The following ABCA12 variants were observed in gnomAD, a reference collection of about 807,000 sequenced individuals.
ABCA12 encodes ATP binding cassette subfamily A member 12, also known as glucosylceramide transporter ABCA12.
ABCA12 carries 156 observed loss-of-function variants against 293.5 expected under a neutral mutation model. The ratio of observed to expected loss-of-function variants is 0.53; its 90% CI spans 0.47 to 0.61. The LOEUF is 0.61. Ranked by LOEUF, ABCA12 falls within the 20% of genes least tolerant of loss-of-function variation. The probability of loss-of-function intolerance (pLI) is 0.00; values close to 1 mark genes in which losing one functional copy is unlikely to be tolerated. For missense variants in ABCA12, 2,797 were observed against 3,090.2 expected (o/e 0.91, Z 2.25); for synonymous variants, 1,063 against 1,108.0 (o/e 0.96, Z 0.81).
At position 214,978,409 on chromosome 2, in the gene ABCA12, A is replaced by G; in HGVS notation, c.5035T>C (p.Leu1679=). The G allele has an allele frequency of 6.2e-7, 1 of 1,614,008 alleles. No individual in the cohort carries two copies. The highest frequency in any genetic ancestry group is 1.7e-4 in the Middle Eastern group (1 of 6,060). ...GAATTCCCAATTTTCTTTTGTGTTA[A>G]GTGCTCAAGACTCATAGCACTATTT... The part of the protein sequence containing the change: ...QKNSAMSLEH[L]TQKKIGNSNA... Residue 1679 remains leucine, a synonymous_variant, in exon 33 of 53, where the codon TTA becomes CTA. Transcript: ENST00000272895.
rs1699014202 is a variant in ABCA12 at position 214,958,332 on chromosome 2, T to C, written c.6062A>G (p.His2021Arg). ...EHQTKAKQLQHISGIGVTCYW... is the reference protein window; with the variant it reads ...EHQTKAKQLQRISGIGVTCYW... ...GCATGTCACGCCAATGCCTGAAATG[T>C]GCTGCAACTGTTTGGCTTTGGTTTG... The change falls in exon 41 of 53, where the codon CAC becomes CGC. Residue 2021 changes from histidine (H) to arginine (R), a missense_variant. Physicochemically the swap from His to Arg is conservative, Grantham distance 29. Around this residue, in one of 3 missense-constraint regions of ABCA12, gnomAD observed 2,130 missense variants for 2,427.0 expected, o/e 0.88. Transcript: ENST00000272895. 1.2e-6 allele frequency: 2 copies of C among 1,613,940 alleles called. No individual in the cohort carries two copies. The highest frequency in any genetic ancestry group is 2.2e-5 in the South Asian group (2 of 91,092).
At chr2:214,973,799 T>C (rs1237437876) in intron 36 of ABCA12, 150 bp downstream of exon 36, 5 of 715,072 alleles carry the variant, frequency 7.0e-6, no homozygotes, top group Non-Finnish European at 1.2e-5. Context: ...AAGTCAGTAT[T>C]TTTTGAGCTG....
At position 214,956,744 on chromosome 2, in the gene ABCA12, C is replaced by G; in HGVS notation, c.6152G>C (p.Gly2051Ala). 6.2e-7 allele frequency: 1 copy of G among 1,613,164 alleles called. No homozygotes were observed. Residue 2051 changes from glycine to alanine, a missense_variant, in exon 42 of 53, where the codon GGT (glycine) becomes GCT (alanine). Transcript: ENST00000272895. ...FYLVPVAFSIGIIAIFKLPAF... is the reference protein window; with the variant it reads ...FYLVPVAFSIAIIAIFKLPAF... The stretch of plus-strand genomic sequence containing the variant: ...AGGTAATTTGAAAATCGCAATGATA[C>G]CAATTGAAAACGCTACAGGCACCAA...
intron 1 of ABCA12, among the ~76,000 whole-genome samples, chr2:215,129,966 C>A (rs2105916250): frequency 6.6e-6 from 1 of 152,262 alleles, no homozygotes; most frequent in African/African-American, 2.4e-5. Context: ...TTACCCAGCA[C>A]CATTTATTGA....
At chr2:214,940,439 T>G (rs149667030) in intron 50 of ABCA12, among the ~76,000 whole-genome samples, 2,697 of 152,268 alleles carry the variant, frequency 0.018, 39 homozygotes, top group Non-Finnish European at 0.027. Flanking sequence ...TTTTGTTGTG[T>G]CTCTGCCAGG....
chr2:215,110,230 G>T (rs1012786683), intron 2 of ABCA12, among the ~76,000 whole-genome samples: 5 of 152,152 alleles, frequency 3.3e-5, no homozygotes, highest in Admixed American at 3.3e-4. Flanking sequence ...GGCACTGTTG[G>T]CTGGGCGCGG....
At chr2:215,046,631 C>T (rs1027044831) in intron 6 of ABCA12, among the ~76,000 whole-genome samples, 26 of 145,042 alleles carry the variant, frequency 1.8e-4, no homozygotes, top group Non-Finnish European at 3.1e-4. Context: ...TTCTACATGA[C>T]TGCCAATTTT....
chr2:215,084,129 C>A (rs545467422), intron 2 of ABCA12, among the ~76,000 whole-genome samples: 1 of 152,062 alleles, frequency 6.6e-6, no homozygotes, highest in Non-Finnish European at 1.5e-5. Context: ...AGACACGTAC[C>A]ACCACACCTG....
At chr2:215,014,740 T>C (rs1294338029) in intron 15 of ABCA12, among the ~76,000 whole-genome samples, 9 of 152,200 alleles carry the variant, frequency 5.9e-5, no homozygotes, top group Non-Finnish European at 1.5e-5. Context: ...GTCCAAAACA[T>C]TTTTATCCCT....
intron 51 of ABCA12, among the ~76,000 whole-genome samples, chr2:214,935,349 T>TA (rs528996677): frequency 5.3e-5 from 8 of 152,178 alleles, no homozygotes; most frequent in Non-Finnish European, 1.2e-4. Context: ...AGGGAGAATG[T>TA]AATTTCATCA....
At chr2:214,989,731 C>A in intron 24 of ABCA12, 110 bp from the exon 25 acceptor site, 1 of 1,147,398 alleles carries the variant, frequency 8.7e-7, no homozygotes, top group Non-Finnish European at 1.2e-6. Context: ...AAAATTGATG[C>A]TCATTCTCTA....
chr2:214,997,640 A>G (rs1052656129), intron 23 of ABCA12, 55 bp downstream of exon 23: 10 of 1,282,658 alleles, frequency 7.8e-6, no homozygotes, highest in Non-Finnish European at 1.1e-5. Context: ...TGAAAATCAT[A>G]GTAATTGTTC....
intron 23 of ABCA12, among the ~76,000 whole-genome samples, chr2:214,996,788 T>G (rs1457787807): frequency 6.6e-6 from 1 of 152,168 alleles, no homozygotes; most frequent in Non-Finnish European, 1.5e-5. Context: ...GGAGAAATGA[T>G]CAATTGTCTA....
chr2:214,937,992 CATGTGCAGA>C (rs752826474), intron 50 of ABCA12, among the ~76,000 whole-genome samples: 3 of 151,998 alleles, frequency 2.0e-5, no homozygotes, highest in Non-Finnish European at 4.4e-5. Flanking sequence ...TTCTGGGATA[CATGTGCAGA>C]ATGTGCAGGT....
rs753196846 is a variant in ABCA12, at chr2:214,958,300, C to T, written c.6094G>A (p.Val2032Ile). Residue 2032 changes from valine to isoleucine, a missense_variant, in exon 41 of 53, where the codon GTA becomes ATA. This residue lies in a region of ABCA12 where 2,130 missense variants were observed against 2,427.0 expected (regional missense o/e 0.88). Transcript: ENST00000272895. ...ACCATGTCATAAATGAAGTTTGTTA[C>T]CCAGTAGCATGTCACGCCAATGCCT... Reference protein sequence around the residue: ...ISGIGVTCYWVTNFIYDMVFY... With the variant: ...ISGIGVTCYWITNFIYDMVFY... The T allele has an allele frequency of 1.9e-6, 3 of 1,613,834 alleles. No individual in the cohort carries two copies. The highest frequency in any genetic ancestry group is 2.5e-6 in the Non-Finnish European group (3 of 1,179,866).
Position 214,970,388 on chromosome 2 carries a change from A to C in ABCA12, c.5575T>G (p.Phe1859Val). The C allele has an allele frequency of 6.2e-7, 1 of 1,613,268 alleles. No individual in the cohort carries two copies. Among genetic ancestry groups the C allele is most frequent in the Middle Eastern group, 1.7e-4 (1 of 6,046 alleles). ...CTTCTGTGCGGTGGGGAATAGTTAAATTTAGGACATTCCTGGAAAATAAAG... is the reference window on the plus strand; with the variant it reads ...CTTCTGTGCGGTGGGGAATAGTTAACTTTAGGACATTCCTGGAAAATAAAG... ...CSENVQECPK[F>V]NYSPPHRRTY... Residue 1859 changes from phenylalanine to valine, a missense_variant, in exon 37 of 53, where the codon TTT becomes GTT. This residue lies in a region of ABCA12 where 2,130 missense variants were observed against 2,427.0 expected (regional missense o/e 0.88). Transcript: ENST00000272895.
chr2:215,001,729 T>C lies in ABCA12; in HGVS notation c.2692A>G (p.Arg898Gly). The C allele has an allele frequency of 6.2e-7, 1 of 1,613,062 alleles. No homozygotes were observed. The highest frequency in any genetic ancestry group is 8.5e-7 in the Non-Finnish European group (1 of 1,179,608). The change falls in exon 21 of 53, where the codon AGA becomes GGA. Residue 898 changes from arginine to glycine, a missense_variant. This residue lies in a region of ABCA12 where 2,130 missense variants were observed against 2,427.0 expected (regional missense o/e 0.88). Transcript: ENST00000272895. ...TCAATGTTGTTCTCTAATTTCAGTC[T>C]TAGAATATCTAAAGAGGCAAAGCAA... ...LKQIDELDIL[R>G]LKLENNIDII...
intron 1 of ABCA12, among the ~76,000 whole-genome samples, chr2:215,118,868 T>G (rs1179585751): frequency 6.6e-6 from 1 of 152,336 alleles, no homozygotes. Flanking sequence ...ATTTGTTTTT[T>G]GCTGTTGATT....
intron 1 of ABCA12, among the ~76,000 whole-genome samples, chr2:215,132,960 G>A (rs916358042): frequency 6.6e-6 from 1 of 151,806 alleles, no homozygotes; most frequent in African/African-American, 2.4e-5. Context: ...GTCTGGGAAA[G>A]ACTTTCTCCT....
Sources: allele counts gnomAD v4.1 joint callset (sites outside exome capture counted in the v4.1 genomes callset), GRCh38; gene constraint gnomAD v4.1.1; regional missense constraint gnomAD v4.1.1; transcripts MANE v1.5; gene names NCBI Gene and HGNC (gene_info 2026-07-23, HGNC 2026-07-21).